The following RERGL variants were observed in gnomAD, a reference collection of about 807,000 sequenced individuals.
RERGL encodes the protein ras-related and estrogen-regulated growth inhibitor-like protein.
RERGL carries 22 observed loss-of-function variants against 24.7 expected under a neutral mutation model. The ratio of observed to expected loss-of-function variants is 0.89; its 90% confidence interval spans 0.64 to 1.27. The LOEUF is 1.27. Among genes scored for constraint, RERGL ranks in the 50% most tolerant of loss-of-function variants. The pLI, the probability that RERGL is intolerant of heterozygous loss-of-function variation, is 0.00. For synonymous variants in RERGL, 76 were observed against 82.6 expected, an observed-to-expected ratio of 0.92 and a Z score of 0.43; for missense variants, 259 against 235.3, an observed-to-expected ratio of 1.10 and a Z score of -0.66.
At chr12:18,088,581 G>A (rs1020007880) in intron 2 of RERGL, among the ~76,000 whole-genome samples, 1 of 151,918 alleles carries the variant, frequency 6.6e-6, no homozygotes, top group African/African-American at 2.4e-5. Context: ...GAATTTCAAA[G>A]TTGTTTTATA....
intron 1 of RERGL, 46 bp downstream of exon 1, chr12:18,090,043 C>A (rs1947255317): frequency 7.1e-7 from 1 of 1,408,012 alleles, no homozygotes; most frequent in Non-Finnish European, 9.4e-7. Context: ...CAATGTTTCT[C>A]ACTCTTTCTA....
At chr12:18,081,531 A>ATT (rs1947172574) in intron 4 of RERGL, 58 bp from the exon 5 acceptor site, 1 of 1,350,818 alleles carries the variant, frequency 7.4e-7, no homozygotes, top group African/African-American at 1.5e-5. Flanking sequence ...TTTTTTTAAA[A>ATT]AAAAAAAAAA....
chr12:18,085,788 C>A, intron 2 of RERGL, 95 bp from the exon 3 acceptor site: 1 of 654,318 alleles, frequency 1.5e-6, no homozygotes, highest in Admixed American at 2.9e-5. Flanking sequence ...TCGTATTGTG[C>A]TCTTTTTATA....
chr12:18,089,233 T>C, intron 1 of RERGL: 1 of 1,608,238 alleles, frequency 6.2e-7, no homozygotes, highest in East Asian at 2.2e-5. Flanking sequence ...ACTTACCTTT[T>C]GTAACAGAAA....
rs1463467844 is a variant in RERGL at position 18,089,586 on chromosome 12, C to T, written c.52+503G>A. On this transcript the variant is annotated intron_variant, in intron 1 of 4. Transcript: ENST00000538724. Reference sequence around the variant, plus strand: ...CTTCCAAAGTTAGAGCACATTATTGCTCAGTTCCAGAACATCCACCAAGCC... The same window carrying T: ...CTTCCAAAGTTAGAGCACATTATTGTTCAGTTCCAGAACATCCACCAAGCC... 4.6e-5 allele frequency among the ~76,000 whole-genome samples: 7 copies of T among 152,240 alleles called. No individual in the cohort carries two copies. The South Asian group carries it at 1.2e-3, about 27-fold the overall frequency.
intron 3 of RERGL, 122 bp downstream of exon 3, chr12:18,085,498 C>A: frequency 3.1e-6 from 2 of 641,602 alleles, no homozygotes; most frequent in East Asian, 3.1e-5. Context: ...TGAGAAGAAA[C>A]TTCGGTTTTA....
Position 18,085,633 on chromosome 12 carries a change from T to C in RERGL, c.170A>G (p.Asp57Gly). The stretch of plus-strand genomic sequence containing the variant: ...TGTTTTACTTACTTGAGAACAAGGG[T>C]CATATATTTCTAGATTTAGTTGTTT... ...ERKQLNLEIY[D>G]PCSQTQKAKF... Residue 57 changes from aspartate to glycine, a missense_variant, in exon 3 of 5, where the codon GAC (aspartate) becomes GGC (glycine). By Grantham distance (94) the Asp-to-Gly change is moderately conservative. Transcript: ENST00000538724. The C allele has an allele frequency of 1.3e-6, 2 of 1,586,878 alleles. No individual in the cohort carries two copies. The highest frequency in any genetic ancestry group is 1.4e-5 in the African/African-American group (1 of 74,046).
chr12:18,084,573 AG>A lies in RERGL; in HGVS notation c.275del (p.Ala92ValfsTer6). On this transcript the variant is annotated frameshift_variant, in exon 4 of 5. Transcript: ENST00000538724. LOFTEE classifies it high-confidence loss of function. ...VYDISDRSSFAFAKALIYRIR... is the reference protein window; with the variant it reads ...VYDISDRSSFXFAKALIYRIR... ...TTCTGTAGATCAGCGCTTTTGCAAA[AG>A]CAAATGAAGACCTATCACTGATGTC... 3 of 1,612,922 alleles carry A rather than the reference AG, an allele frequency of 1.9e-6. 1 individual carries two copies. The South Asian group carries it at 3.3e-5, about 18-fold the overall frequency.
chr12:18,081,160 A>G lies in RERGL; in HGVS notation c.*31T>C, dbSNP rs776045150. ...TCATGTGAATGTTTGAAACTCTCTGATATAGGAAATCTCCCAGGATTACCT... is the reference window on the plus strand; with the variant it reads ...TCATGTGAATGTTTGAAACTCTCTGGTATAGGAAATCTCCCAGGATTACCT... On this transcript the variant is annotated 3_prime_UTR_variant, in exon 5 of 5. Coordinates refer to ENST00000538724, the MANE Select transcript of RERGL (RefSeq NM_001286201.2). 2.6e-6 allele frequency: 4 copies of G among 1,560,470 alleles called. No individual in the cohort carries two copies. The highest frequency in any genetic ancestry group is 4.5e-5 in the East Asian group (2 of 44,264).
intron 2 of RERGL, among the ~76,000 whole-genome samples, chr12:18,086,173 AAT>A (rs1947220706): frequency 6.6e-6 from 1 of 151,812 alleles, no homozygotes. Flanking sequence ...GCGCCCAGCC[AAT>A]ATGTTTCTTA....
intron 2 of RERGL, among the ~76,000 whole-genome samples, chr12:18,087,973 C>A (rs1443155181): frequency 1.3e-5 from 2 of 152,166 alleles, no homozygotes; most frequent in Non-Finnish European, 2.9e-5. Flanking sequence ...GGGAAAAACA[C>A]AATGTAATAT....
intron 2 of RERGL, among the ~76,000 whole-genome samples, chr12:18,086,067 G>A (rs552845272): frequency 7.4e-4 from 108 of 146,728 alleles, no homozygotes; most frequent in Non-Finnish European, 1.2e-3. Context: ...TAGAGACGGG[G>A]TTTCACCGTG....
chr12:18,081,544 CAG>C (rs3054571), intron 4 of RERGL, 71 bp from the exon 5 acceptor site: 145,968 of 1,050,130 alleles, frequency 0.14, 9,278 homozygotes, highest in Middle Eastern at 0.18. Context: ...AAAAAAAAAA[CAG>C]ATTTATAACC....
chr12:18,083,904 T>A (rs1459419193), intron 4 of RERGL, among the ~76,000 whole-genome samples: 1 of 152,136 alleles, frequency 6.6e-6, no homozygotes, highest in Non-Finnish European at 1.5e-5. Flanking sequence ...AATGGAAAAC[T>A]CAGATGCTTA....
In RERGL at chr12:18,081,157, C is replaced by T. The variant is rs769078470; in HGVS notation, c.*34G>A. 2.6e-6 allele frequency: 4 copies of T among 1,551,588 alleles called. No individual in the cohort carries two copies. The South Asian group carries it at 4.8e-5, about 19-fold the overall frequency. ...TTATCATGTGAATGTTTGAAACTCT[C>T]TGATATAGGAAATCTCCCAGGATTA... On this transcript the variant is annotated 3_prime_UTR_variant, in exon 5 of 5. Transcript: ENST00000538724.
chr12:18,090,095 T>C lies in RERGL; in HGVS notation c.46A>G (p.Lys16Glu). 1 of 1,533,152 alleles carries C rather than the reference T, an allele frequency of 6.5e-7. No individual in the cohort carries two copies. The allele number at this position is 1,533,152 out of a possible 1,614,324, so 95.0% of individuals were successfully genotyped here. Residue 16 changes from lysine to glutamate, a missense_variant, in exon 1 of 5, where the codon AAA becomes GAA. By Grantham distance (56) the Lys-to-Glu change is moderately conservative (BLOSUM62 1). Transcript: ENST00000538724. ...AGAAGATGTCACCACTCACCAGATTTGCCTGTTCCTTCACCACCCAAGACA... is the reference window on the plus strand; with the variant it reads ...AGAAGATGTCACCACTCACCAGATTCGCCTGTTCCTTCACCACCCAAGACA... Reference protein sequence around the residue: ...LAVLGGEGTGKSALTVRFLTK... With the variant: ...LAVLGGEGTGESALTVRFLTK...
At chr12:18,084,912 A>T (rs1030823721) in intron 3 of RERGL, among the ~76,000 whole-genome samples, 2 of 152,216 alleles carry the variant, frequency 1.3e-5, no homozygotes, top group Non-Finnish European at 2.9e-5. Flanking sequence ...GGAAGAAAAC[A>T]TCTCCACTTT....
At chr12:18,089,996 A>T in intron 1 of RERGL, 93 bp downstream of exon 1, 1 of 800,048 alleles carries the variant, frequency 1.2e-6, no homozygotes, top group Non-Finnish European at 1.8e-6. Flanking sequence ...CATATATATG[A>T]AATATATATG....
rs374628690 is a variant in RERGL, at chr12:18,084,632, G to A, written c.217C>T (p.Leu73Phe). The A allele has an allele frequency of 1.5e-5, 24 of 1,609,352 alleles. No homozygotes were observed. In the African/African-American group the frequency reaches 2.8e-4, roughly 19 times the overall value. The change falls in exon 4 of 5, where the codon CTT (leucine) becomes TTT (phenylalanine). Residue 73 changes from leucine (L) to phenylalanine (F), a missense_variant. Coordinates refer to ENST00000538724, the MANE Select transcript of RERGL (RefSeq NM_001286201.2). ...ATAACAAACCCATCTGCCCAGTGAA[G>A]CTCACTTGTGAGGGAGAATTTTGCT... ...QKAKFSLTSE[L>F]HWADGFVIVY... is the part of the protein sequence containing the mutation.
Sources: gnomAD v4.1 joint callset for allele counts (sites outside exome capture counted in the v4.1 genomes callset) on GRCh38, gnomAD v4.1.1 for gene constraint, MANE v1.5 for transcripts, NCBI Gene and HGNC (gene_info 2026-07-23, HGNC 2026-07-21) for gene names.